FRMD5: variants seen among roughly 807,000 people sequenced by gnomAD.
FRMD5 encodes FERM domain-containing protein 5.
Under a neutral mutation model 69.0 loss-of-function variants are expected in FRMD5, and 20 were observed. The observed-to-expected ratio is 0.29, with a 90% CI of 0.20 to 0.42. The LOEUF (loss-of-function observed/expected upper bound fraction) is 0.42, where lower values mean the gene tolerates loss of function less well. Among genes scored for constraint, FRMD5 ranks in the 10% least tolerant of loss-of-function variants. The probability of loss-of-function intolerance (pLI) is 1.00; values close to 1 mark genes in which losing one functional copy is unlikely to be tolerated. For synonymous variants in FRMD5, 271 were observed against 260.1 expected (o/e 1.04, Z -0.40); for missense variants, 595 against 708.6 (o/e 0.84, Z 1.82).
intron 1 of FRMD5, among the ~76,000 whole-genome samples, chr15:43,928,746 G>A (rs1312818932): frequency 9.2e-5 from 14 of 152,218 alleles, no homozygotes; most frequent in Non-Finnish European, 1.9e-4. Flanking sequence ...AGGTGCCCTG[G>A]CACTGTGGCT....
chr15:43,987,620 G>T (rs1889459175), intron 1 of FRMD5, among the ~76,000 whole-genome samples: 1 of 152,078 alleles, frequency 6.6e-6, no homozygotes, highest in South Asian at 2.1e-4. Context: ...TGTGATCTTG[G>T]CTCACTGTAA....
intron 11 of FRMD5, chr15:43,885,131 A>C: frequency 3.9e-6 from 1 of 256,248 alleles, no homozygotes; most frequent in Non-Finnish European, 7.5e-6. Flanking sequence ...TCACTGTTAT[A>C]GTTCTTATTT....
At chr15:43,999,595 A>G (rs994293289) in intron 1 of FRMD5, among the ~76,000 whole-genome samples, 1 of 151,130 alleles carries the variant, frequency 6.6e-6, no homozygotes, top group African/African-American at 2.4e-5. Flanking sequence ...CCATTTCCCT[A>G]CCCCCACACC....
chr15:44,001,874 T>G lies in FRMD5; in HGVS notation c.103-77565A>C, dbSNP rs555771094. 3.2e-4 allele frequency among the ~76,000 whole-genome samples: 49 copies of G among 152,104 alleles called. 1 individual carries two copies. In the South Asian group the frequency reaches 1.0e-2, roughly 31 times the overall value. On this transcript the variant is annotated intron_variant, in intron 1 of 13. Coordinates refer to ENST00000417257, the MANE Select transcript of FRMD5 (RefSeq NM_032892.5). ...TCAGCCTCCTGAGTAGCTGGCTAAT[T>G]AGCACCCGGATAATTTTTGTAATTT...
intron 1 of FRMD5, among the ~76,000 whole-genome samples, chr15:44,111,984 C>A (rs1362201001): frequency 6.6e-6 from 1 of 152,040 alleles, no homozygotes; most frequent in Non-Finnish European, 1.5e-5. Flanking sequence ...GCTGGGACTA[C>A]AGGTGCCCGC....
At chr15:43,978,703 C>G (rs996170010) in intron 1 of FRMD5, among the ~76,000 whole-genome samples, 4 of 152,084 alleles carry the variant, frequency 2.6e-5, no homozygotes, top group Non-Finnish European at 4.4e-5. Context: ...AGGTACCCAC[C>G]ACCACATCCA....
At chr15:43,991,154 T>A (rs896120460) in intron 1 of FRMD5, among the ~76,000 whole-genome samples, 4 of 152,258 alleles carry the variant, frequency 2.6e-5, no homozygotes, top group Non-Finnish European at 5.9e-5. Context: ...TAAGATGCTG[T>A]GATTTTTATC....
intron 1 of FRMD5, among the ~76,000 whole-genome samples, chr15:43,936,937 G>A (rs933038091): frequency 6.6e-6 from 1 of 151,928 alleles, no homozygotes; most frequent in African/African-American, 2.4e-5. Context: ...CATTGGAAAG[G>A]GAATTAAAAG....
At chr15:44,064,660 G>A (rs1893236619) in intron 1 of FRMD5, among the ~76,000 whole-genome samples, 2 of 152,054 alleles carry the variant, frequency 1.3e-5, no homozygotes, top group Admixed American at 6.6e-5. Flanking sequence ...AAATAAAAGT[G>A]AAAAAATCCT....
upstream of FRMD5, among the ~76,000 whole-genome samples, chr15:44,195,969 TCTC>T (rs1566998862): frequency 6.6e-6 from 1 of 152,302 alleles, no homozygotes; most frequent in East Asian, 1.9e-4. Context: ...CAATGAATCT[TCTC>T]CTTGCACTTT....
intron 1 of FRMD5, among the ~76,000 whole-genome samples, chr15:44,156,844 AC>A (rs1224450632): frequency 6.6e-6 from 1 of 152,136 alleles, no homozygotes; most frequent in African/African-American, 2.4e-5. Flanking sequence ...AGGCAGGAGG[AC>A]TGCTCCAGCT....
intron 1 of FRMD5, among the ~76,000 whole-genome samples, chr15:44,163,653 T>C (rs1369805501): frequency 1.3e-5 from 2 of 152,222 alleles, no homozygotes; most frequent in Non-Finnish European, 2.9e-5. Flanking sequence ...TACCATTTGA[T>C]AATCGAGTTG....
intron 1 of FRMD5, among the ~76,000 whole-genome samples, chr15:44,125,469 A>G (rs2077013492): frequency 6.6e-6 from 1 of 152,210 alleles, no homozygotes; most frequent in South Asian, 2.1e-4. Flanking sequence ...TAAACGTTAG[A>G]TGATTTATTC....
intron 1 of FRMD5, among the ~76,000 whole-genome samples, chr15:44,171,269 A>C (rs1027262726): frequency 6.6e-6 from 1 of 152,236 alleles, no homozygotes; most frequent in African/African-American, 2.4e-5. Context: ...AAAAATATGA[A>C]AGCTAAATTA....
chr15:44,076,652 T>C (rs1412924105), intron 1 of FRMD5, among the ~76,000 whole-genome samples: 3 of 141,634 alleles, frequency 2.1e-5, no homozygotes, highest in Admixed American at 7.0e-5. Context: ...AGGGATAGCA[T>C]TGGGAGATAT....
chr15:43,969,090 T>C lies in FRMD5; in HGVS notation c.103-44781A>G, dbSNP rs1595571038. ...AATGAGGTTTAAATTGCCTTCATTC[T>C]TTTTTTTTTTTTTTGGAGACAGGAT... On this transcript the variant is annotated intron_variant, in intron 1 of 13. Coordinates refer to ENST00000417257, the MANE Select transcript of FRMD5 (RefSeq NM_032892.5). Among the ~76,000 whole-genome samples, 3 of 137,692 alleles carry C rather than the reference T, an allele frequency of 2.2e-5. No homozygotes were observed. In the South Asian group the frequency reaches 6.8e-4, roughly 31 times the overall value. The allele number at this position is 137,692 out of a possible 152,430, so 90.3% of individuals were successfully genotyped here. A position where few individuals can be genotyped will look rare whatever the true frequency, so the allele number is the denominator to read the frequency against.
intron 7 of FRMD5, among the ~76,000 whole-genome samples, chr15:43,894,374 T>C (rs1217067663): frequency 6.6e-6 from 1 of 151,984 alleles, no homozygotes; most frequent in East Asian, 1.9e-4. Flanking sequence ...GTGGAGACCT[T>C]ATTGTGTGAA....
intron 1 of FRMD5, among the ~76,000 whole-genome samples, chr15:44,078,484 A>G (rs1893862597): frequency 6.6e-6 from 1 of 152,172 alleles, no homozygotes; most frequent in African/African-American, 2.4e-5. Context: ...ATCTTATAAA[A>G]GAAAAGCAAA....
chr15:43,925,285 G>A (rs1043677137), intron 1 of FRMD5, among the ~76,000 whole-genome samples: 1 of 152,156 alleles, frequency 6.6e-6, no homozygotes, highest in Admixed American at 6.5e-5. Context: ...GATTAAAGGT[G>A]TGAGCCACCA....
Sources: gnomAD v4.1 joint callset for allele counts (sites outside exome capture counted in the v4.1 genomes callset) on GRCh38, gnomAD v4.1.1 for gene constraint, MANE v1.5 for transcripts, NCBI Gene and HGNC (gene_info 2026-07-23, HGNC 2026-07-21) for gene names.